The following APBB1IP variants were observed in gnomAD, a reference collection of about 807,000 sequenced individuals.
The protein encoded by APBB1IP is amyloid beta precursor protein binding family B member 1 interacting protein, also known as amyloid beta A4 precursor protein-binding family B member 1-interacting protein.
APBB1IP carries 27 observed loss-of-function variants against 64.9 expected under a neutral mutation model. That is an observed-to-expected ratio of 0.42 (90% confidence interval 0.31 to 0.57). The LOEUF (loss-of-function observed/expected upper bound fraction) is 0.57, where lower values mean the gene tolerates loss of function less well. Ranked by LOEUF, APBB1IP falls within the 20% of genes least tolerant of loss-of-function variation. The pLI is 0.20. For synonymous variants in APBB1IP, 392 were observed against 331.0 expected, an observed-to-expected ratio of 1.18 and a Z score of -2.00; for missense variants, 812 against 845.5, an observed-to-expected ratio of 0.96 and a Z score of 0.49.
At chr10:26,476,446 C>A (rs74484050) in intron 2 of APBB1IP, among the ~76,000 whole-genome samples, 357 of 78,094 alleles carry the variant, frequency 4.6e-3, no homozygotes, top group Non-Finnish European at 5.4e-3. Context: ...GACCCTGTCT[C>A]AAAAAAAAAA....
At chr10:26,555,308 G>T (rs59565472) in intron 11 of APBB1IP, among the ~76,000 whole-genome samples, 4,200 of 152,162 alleles carry the variant, frequency 0.028, 191 homozygotes, top group African/African-American at 0.096. Flanking sequence ...TGACTCAAGG[G>T]TCTTTACTCA....
chr10:26,461,925 T>C (rs1263593313), intron 2 of APBB1IP, among the ~76,000 whole-genome samples: 4 of 152,232 alleles, frequency 2.6e-5, no homozygotes, highest in Non-Finnish European at 5.9e-5. Flanking sequence ...TTACTTCACA[T>C]CAGCCACCTT....
In APBB1IP at chr10:26,567,639, AC is replaced by A. The variant is rs1180055281; in HGVS notation, c.*154del. ...TGCTCAAGTACAGGCATAACCATTA[AC>A]CCAGTAGAGTTCAGAATATCTGCCC... On this transcript the variant is annotated 3_prime_UTR_variant, in exon 15 of 15. Coordinates refer to ENST00000376236, the MANE Select transcript of APBB1IP (RefSeq NM_019043.4). 7.1e-7 allele frequency: 1 copy of A among 1,399,850 alleles called. No homozygotes were observed. Among genetic ancestry groups the A allele is most frequent in the African/African-American group, 1.5e-5 (1 of 67,948 alleles). The allele number at this position is 1,399,850 out of a possible 1,614,324, so 86.7% of individuals were successfully genotyped here.
chr10:26,498,450 A>G (rs760634863), intron 4 of APBB1IP, among the ~76,000 whole-genome samples: 8 of 152,178 alleles, frequency 5.3e-5, no homozygotes, highest in Non-Finnish European at 7.3e-5. Flanking sequence ...CGGAGGTTGC[A>G]GTGAGCCAAG....
rs267602454 is a variant in APBB1IP, at chr10:26,513,601, G to C, written c.754G>C (p.Glu252Gln). Residue 252 changes from glutamate (E) to glutamine (Q), a missense_variant, in exon 8 of 15, where the codon GAA becomes CAA. Coordinates refer to ENST00000376236, the MANE Select transcript of APBB1IP (RefSeq NM_019043.4). Reference sequence around the variant, plus strand: ...CTTATCAGACTGGACAAGAGACACAGAAAATAAAATACTATTTTTGGAGAA... The same window carrying C: ...CTTATCAGACTGGACAAGAGACACACAAAATAAAATACTATTTTTGGAGAA... ...EVLSDWTRDTENKILFLEKEE... is the reference protein window; with the variant it reads ...EVLSDWTRDTQNKILFLEKEE... 4 of 1,612,674 alleles carry C rather than the reference G, an allele frequency of 2.5e-6. No homozygotes were observed. The highest frequency in any genetic ancestry group is 3.4e-6 in the Non-Finnish European group (4 of 1,179,650).
At chr10:26,473,732 T>C (rs1019318745) in intron 2 of APBB1IP, among the ~76,000 whole-genome samples, 1 of 152,192 alleles carries the variant, frequency 6.6e-6, no homozygotes, top group African/African-American at 2.4e-5. Context: ...CCAGGCACAG[T>C]GGCCCATGCC....
At chr10:26,502,065 A>G (rs367562593) in intron 5 of APBB1IP, 4 of 152,248 alleles carry the variant, frequency 2.6e-5, no homozygotes, top group Admixed American at 2.6e-4. Flanking sequence ...GAAAGTAAAC[A>G]AAGTACAAAG....
intron 5 of APBB1IP, among the ~76,000 whole-genome samples, chr10:26,502,521 A>G (rs938674374): frequency 6.6e-6 from 1 of 152,124 alleles, no homozygotes; most frequent in African/African-American, 2.4e-5. Context: ...AGGCGCCTGT[A>G]GTCCCAGCTA....
chr10:26,561,064 C>CTTTCTTTTT (rs1218039459), intron 13 of APBB1IP, among the ~76,000 whole-genome samples: 28 of 69,226 alleles, frequency 4.0e-4, no homozygotes, highest in Non-Finnish European at 6.1e-4. Flanking sequence ...TTCTTTCTTT[C>CTTTCTTTTT]TTTTTTTTTT....
rs150084140 is a variant in APBB1IP at position 26,495,595 on chromosome 10, C to A, written c.73-709C>A. On this transcript the variant is annotated intron_variant, in intron 3 of 14. Transcript: ENST00000376236. ...ACCAGCCTGGGCAGCATAGTAAGAC[C>A]CCCGTCTCATTTTTGTTAAAAAAAA... 6.2e-3 allele frequency among the ~76,000 whole-genome samples: 922 copies of A among 149,124 alleles called. 13 individuals carry two copies. The highest frequency in any genetic ancestry group is 0.041 in the Middle Eastern group (12 of 290).
chr10:26,447,454 G>A (rs963833251), intron 2 of APBB1IP, among the ~76,000 whole-genome samples: 16 of 151,234 alleles, frequency 1.1e-4, no homozygotes, highest in Non-Finnish European at 5.9e-5. Flanking sequence ...GGCACCAGAT[G>A]TGTAAAACAC....
chr10:26,470,411 C>T (rs7919032), intron 2 of APBB1IP, among the ~76,000 whole-genome samples: 6,882 of 152,094 alleles, frequency 0.045, 553 homozygotes, highest in African/African-American at 0.16. Flanking sequence ...TGGAGGCAGG[C>T]GCCTGTAATC....
At chr10:26,543,838 T>G (rs924077039) in intron 11 of APBB1IP, among the ~76,000 whole-genome samples, 1 of 152,020 alleles carries the variant, frequency 6.6e-6, no homozygotes, top group African/African-American at 2.4e-5. Context: ...GTACGAGCCC[T>G]CCAGGAATAA....
intron 2 of APBB1IP, among the ~76,000 whole-genome samples, chr10:26,492,109 G>C (rs988087624): frequency 6.6e-6 from 1 of 152,068 alleles, no homozygotes; most frequent in Non-Finnish European, 1.5e-5. Context: ...CTGTGGCTCT[G>C]AGGCATTTCC....
At chr10:26,498,715 C>T (rs1375464933) in intron 4 of APBB1IP, among the ~76,000 whole-genome samples, 1 of 152,062 alleles carries the variant, frequency 6.6e-6, no homozygotes, top group South Asian at 2.1e-4. Context: ...TAACTCAGTG[C>T]CTGGTATCAC....
intron 3 of APBB1IP, among the ~76,000 whole-genome samples, chr10:26,495,381 A>ACCTGCTC (rs11282349): frequency 6.6e-6 from 1 of 150,956 alleles, no homozygotes; most frequent in African/African-American, 2.4e-5. Context: ...GTCTCTCTGT[A>ACCTGCTC]CCTCATTCCT....
chr10:26,557,594 G>A (rs1306002740), intron 11 of APBB1IP, among the ~76,000 whole-genome samples: 1 of 152,186 alleles, frequency 6.6e-6, no homozygotes, highest in Non-Finnish European at 1.5e-5. Context: ...AATTCTAGGT[G>A]GTTAGTCAGG....
rs550155091 is a variant in APBB1IP at position 26,492,982 on chromosome 10, T to G, written c.72+584T>G. Among the ~76,000 whole-genome samples, 311 of 152,270 alleles carry G rather than the reference T, an allele frequency of 2.0e-3. 1 individual carries two copies. The highest frequency in any genetic ancestry group is 7.0e-3 in the African/African-American group (289 of 41,560). On this transcript the variant is annotated intron_variant, in intron 3 of 14. Transcript: ENST00000376236. ...GCCAGGGCATGTTTCATCCGTTATC[T>G]TCAACTGCATAAGGCAGACACCCCC...
intron 3 of APBB1IP, among the ~76,000 whole-genome samples, chr10:26,494,015 T>TTTTA (rs1835990258): frequency 1.3e-5 from 2 of 152,024 alleles, no homozygotes; most frequent in African/African-American, 4.8e-5. Context: ...TTTTTTTTTC[T>TTTTA]TTTATAGAGA....
Sources: gnomAD v4.1 joint callset for allele counts (sites outside exome capture counted in the v4.1 genomes callset) on GRCh38, gnomAD v4.1.1 for gene constraint, MANE v1.5 for transcripts, NCBI Gene and HGNC (gene_info 2026-07-23, HGNC 2026-07-21) for gene names.